Variants in CACNA2D3 observed in about 807,000 individuals in gnomAD.
CACNA2D3 encodes the protein voltage-dependent calcium channel subunit alpha-2/delta-3.
A neutral mutation model predicts 160.6 loss-of-function variants in CACNA2D3; 60 were observed. The ratio of observed to expected loss-of-function variants is 0.37; its 90% CI spans 0.30 to 0.46. The LOEUF is 0.46. CACNA2D3 is among the 20% of genes least tolerant of loss of function. CACNA2D3 has a pLI of 1.00. For synonymous variants in CACNA2D3, 558 were observed against 492.9 expected, an observed-to-expected ratio of 1.13 and a Z score of -1.75; for missense variants, 1,205 against 1,365.0, an observed-to-expected ratio of 0.88 and a Z score of 1.85.
At chr3:54,545,328 G>A (rs1218564258) in intron 5 of CACNA2D3, among the ~76,000 whole-genome samples, 1 of 152,154 alleles carries the variant, frequency 6.6e-6, no homozygotes, top group Non-Finnish European at 1.5e-5. Flanking sequence ...GATACTTGGA[G>A]CTTAACTTCC....
At chr3:55,011,921 GA>G (rs11338121) in intron 34 of CACNA2D3, among the ~76,000 whole-genome samples, 88,615 of 151,774 alleles carry the variant, frequency 0.58, 26,113 homozygotes, top group Admixed American at 0.62. Flanking sequence ...TAATAGGAGT[GA>G]AAAAAAATGA....
chr3:55,053,015 C>A (rs892450366), intron 35 of CACNA2D3, among the ~76,000 whole-genome samples: 1 of 151,972 alleles, frequency 6.6e-6, no homozygotes. Context: ...GTAGAATATA[C>A]TGACCATATT....
intron 4 of CACNA2D3, among the ~76,000 whole-genome samples, chr3:54,488,582 C>T (rs2106915087): frequency 6.6e-6 from 1 of 152,178 alleles, no homozygotes; most frequent in South Asian, 2.1e-4. Context: ...CTATTGGCTG[C>T]CCTTAGCCCC....
At chr3:54,682,228 T>C (rs975679107) in intron 11 of CACNA2D3, among the ~76,000 whole-genome samples, 7 of 151,946 alleles carry the variant, frequency 4.6e-5, no homozygotes, top group African/African-American at 1.7e-4. Flanking sequence ...ATAACAAAAG[T>C]ATTTAAATAT....
chr3:54,237,367 G>A (rs1265003600), intron 2 of CACNA2D3, among the ~76,000 whole-genome samples: 1 of 150,408 alleles, frequency 6.6e-6, no homozygotes, highest in African/African-American at 2.5e-5. Flanking sequence ...GGTAAAACTT[G>A]TTTACTTCCC....
At position 54,492,202 on chromosome 3, in the gene CACNA2D3, T is replaced by C. The variant is rs560634927; in HGVS notation, c.382-11290T>C. On this transcript the variant is annotated intron_variant, in intron 4 of 37. Transcript: ENST00000474759. ...TTGCCACTTTCTGTGACAGTGGCATTAAAGGAGAGGAACTCTGAAGGCAAG... is the reference window on the plus strand; with the variant it reads ...TTGCCACTTTCTGTGACAGTGGCATCAAAGGAGAGGAACTCTGAAGGCAAG... 4.6e-5 allele frequency among the ~76,000 whole-genome samples: 7 copies of C among 152,284 alleles called. No homozygotes were observed. In the South Asian group the frequency reaches 1.5e-3, roughly 32 times the overall value.
intron 2 of CACNA2D3, among the ~76,000 whole-genome samples, chr3:54,211,659 C>A (rs1293763719): frequency 1.3e-5 from 2 of 152,110 alleles, no homozygotes. Context: ...TACTTTCTTC[C>A]TACTATTCTT....
chr3:54,265,582 GTATA>G (rs869178105), intron 2 of CACNA2D3, among the ~76,000 whole-genome samples: 7 of 149,034 alleles, frequency 4.7e-5, no homozygotes, highest in South Asian at 2.2e-4. Flanking sequence ...TATAGTGTGT[GTATA>G]TATATATAGT....
intron 11 of CACNA2D3, among the ~76,000 whole-genome samples, chr3:54,661,656 T>C (rs1383129433): frequency 6.6e-6 from 1 of 152,008 alleles, no homozygotes; most frequent in East Asian, 1.9e-4. Flanking sequence ...AGGGGTGGGG[T>C]GCAGATGCTG....
At chr3:54,534,352 C>G (rs1701853370) in intron 5 of CACNA2D3, among the ~76,000 whole-genome samples, 1 of 152,038 alleles carries the variant, frequency 6.6e-6, no homozygotes, top group South Asian at 2.1e-4. Context: ...CAGATTGCAT[C>G]ACATCTCCAC....
intron 2 of CACNA2D3, among the ~76,000 whole-genome samples, chr3:54,129,048 C>A (rs1211148103): frequency 6.6e-6 from 1 of 152,106 alleles, no homozygotes; most frequent in African/African-American, 2.4e-5. Context: ...AATTTTGCTT[C>A]TCCTTTACAG....
At chr3:54,298,376 A>G (rs1190300269) in intron 2 of CACNA2D3, among the ~76,000 whole-genome samples, 3 of 152,258 alleles carry the variant, frequency 2.0e-5, no homozygotes, top group African/African-American at 7.2e-5. Flanking sequence ...ATAATTTTGA[A>G]CAATGCAGCA....
At position 54,289,210 on chromosome 3, in the gene CACNA2D3, C is replaced by T. The variant is rs1575371943; in HGVS notation, c.205-31232C>T. On this transcript the variant is annotated intron_variant, in intron 2 of 37. Coordinates refer to ENST00000474759, the MANE Select transcript of CACNA2D3 (RefSeq NM_018398.3). ...AGCTGATAAGCAACTTCAGCAAAGT[C>T]TCAGGATACAAAATCAATGCACAAA... 5.9e-5 allele frequency among the ~76,000 whole-genome samples: 9 copies of T among 152,262 alleles called. No homozygotes were observed. The South Asian group carries it at 1.9e-3, about 32-fold the overall frequency.
intron 10 of CACNA2D3, among the ~76,000 whole-genome samples, chr3:54,629,908 A>AAGG (rs1187986879): frequency 1.3e-5 from 2 of 152,140 alleles, no homozygotes; most frequent in Admixed American, 1.3e-4. Context: ...CTAAGTGGCG[A>AAGG]AGGAGAAAGG....
intron 3 of CACNA2D3, among the ~76,000 whole-genome samples, chr3:54,323,471 T>TTC (rs1553622670): frequency 1.3e-4 from 20 of 149,672 alleles, no homozygotes; most frequent in South Asian, 2.1e-4. Flanking sequence ...TTCTTTTCTT[T>TTC]TTTTTTTTTT....
At chr3:54,440,012 C>T (rs778191713) in intron 4 of CACNA2D3, among the ~76,000 whole-genome samples, 11 of 152,152 alleles carry the variant, frequency 7.2e-5, no homozygotes, top group Non-Finnish European at 1.6e-4. Flanking sequence ...CCTGGCCAGC[C>T]TAGCATTCAG....
intron 27 of CACNA2D3, among the ~76,000 whole-genome samples, chr3:54,957,652 G>A (rs1353510196): frequency 6.6e-6 from 1 of 151,998 alleles, no homozygotes; most frequent in Admixed American, 6.6e-5. Flanking sequence ...ATTCAGATAC[G>A]ACTGATGGGC....
chr3:54,887,235 G>A (rs1699947510), intron 23 of CACNA2D3, among the ~76,000 whole-genome samples: 1 of 151,984 alleles, frequency 6.6e-6, no homozygotes, highest in African/African-American at 2.4e-5. Flanking sequence ...AGACTAACCT[G>A]GCCAACATGG....
intron 11 of CACNA2D3, among the ~76,000 whole-genome samples, chr3:54,709,100 C>G (rs769340450): frequency 7.9e-5 from 12 of 151,402 alleles, no homozygotes; most frequent in Admixed American, 7.9e-4. Flanking sequence ...ACCTCCACTT[C>G]CTGGGTTCAA....
Sources: gnomAD v4.1 joint callset for allele counts (sites outside exome capture counted in the v4.1 genomes callset) on GRCh38, gnomAD v4.1.1 for gene constraint, MANE v1.5 for transcripts, NCBI Gene and HGNC (gene_info 2026-07-23, HGNC 2026-07-21) for gene names.